Variants in INHBA observed in about 807,000 individuals in gnomAD.
INHBA encodes inhibin beta A chain.
In INHBA, 1 loss-of-function variant was observed where a neutral mutation model predicts 29.0. The observed-to-expected ratio is 0.03, with a 90% CI of 0.01 to 0.16. INHBA has a LOEUF of 0.16. Ranked by LOEUF, INHBA falls within the 10% of genes least tolerant of loss-of-function variation. The pLI, the probability that INHBA is intolerant of heterozygous loss-of-function variation, is 1.00. For missense variants in INHBA, 376 were observed against 545.4 expected (o/e 0.69, Z 3.09); for synonymous variants, 242 against 216.8 (o/e 1.12, Z -1.02).
chr7:41,699,612 A>C (rs2128671210), intron 2 of INHBA, among the ~76,000 whole-genome samples: 1 of 152,022 alleles, frequency 6.6e-6, no homozygotes, highest in East Asian at 2.0e-4. Context: ...CTCCCCTAGC[A>C]CCCGAAAATG....
Position 41,700,484 on chromosome 7 carries a change from GTT to G in INHBA, c.-112_-111del. On this transcript the variant is annotated 5_prime_UTR_variant, in exon 2 of 3. Coordinates refer to ENST00000242208, the MANE Select transcript of INHBA (RefSeq NM_002192.4). ...GGATTTTTTTATTTTTTTTTTTGGT[GTT>G]TTTTTTTTCCTTCTCCTCTTCAGCA... 2 of 943,338 alleles carry G rather than the reference GTT, an allele frequency of 2.1e-6. No homozygotes were observed. The highest frequency in any genetic ancestry group is 2.9e-6 in the Non-Finnish European group (2 of 700,372). The allele number at this position is 943,338 out of a possible 1,614,324, so 58.4% of individuals were successfully genotyped here. A position where few individuals can be genotyped will look rare whatever the true frequency, so the allele number is the denominator to read the frequency against.
chr7:41,693,630 T>C (rs1448274840), intron 2 of INHBA, among the ~76,000 whole-genome samples: 1 of 152,176 alleles, frequency 6.6e-6, no homozygotes, highest in Non-Finnish European at 1.5e-5. Context: ...TGAGAGAGGA[T>C]TGTACAAAGA....
At chr7:41,702,592 A>T (rs946865770) in intron 1 of INHBA, among the ~76,000 whole-genome samples, 1 of 152,232 alleles carries the variant, frequency 6.6e-6, no homozygotes, top group Admixed American at 6.5e-5. Flanking sequence ...AATGTTTTGC[A>T]GTTCAATTAA....
intron 2 of INHBA, chr7:41,693,926 CCTGGTGTCCATTT>C (rs952099522): frequency 2.0e-5 from 3 of 152,304 alleles, no homozygotes; most frequent in Middle Eastern, 6.8e-3. Context: ...GCCTCCTTCT[CCTGGTGTCCATTT>C]CTGGAACTGC....
intron 1 of INHBA, among the ~76,000 whole-genome samples, chr7:41,702,522 T>C (rs1311810247): frequency 1.3e-5 from 2 of 152,190 alleles, no homozygotes; most frequent in Non-Finnish European, 2.9e-5. Context: ...TTATAAAAAA[T>C]CTTTGTGCTA....
intron 2 of INHBA, among the ~76,000 whole-genome samples, chr7:41,698,354 T>C (rs1389229591): frequency 6.6e-6 from 1 of 152,208 alleles, no homozygotes; most frequent in Non-Finnish European, 1.5e-5. Context: ...ATACGAGCTG[T>C]CATTGAATCC....
chr7:41,690,107 C>T lies in INHBA; in HGVS notation c.824G>A (p.Gly275Asp). The T allele has an allele frequency of 1.2e-6, 2 of 1,613,762 alleles. No individual in the cohort carries two copies. The highest frequency in any genetic ancestry group is 1.7e-6 in the Non-Finnish European group (2 of 1,179,982). ...CTCATCTGCTCCTGCCCCACCTTCACCTCCGCCCTTCTTTTTCCCTTCCCC... is the reference window on the plus strand; with the variant it reads ...CTCATCTGCTCCTGCCCCACCTTCATCTCCGCCCTTCTTTTTCCCTTCCCC... ...EEGEGKKKGG[G>D]EGGAGADEEK... Residue 275 changes from glycine to aspartate, a missense_variant, in exon 3 of 3, where the codon GGT becomes GAT. Transcript: ENST00000242208.
In INHBA at chr7:41,688,540, A is replaced by T. The variant is rs941241054; in HGVS notation, c.*1110T>A. 1 of 151,400 alleles carries T rather than the reference A, an allele frequency of 6.6e-6. No homozygotes were observed. The highest frequency in any genetic ancestry group is 2.4e-5 in the African/African-American group (1 of 41,296). The allele number at this position is 151,400 out of a possible 1,614,324, so 9.4% of individuals were successfully genotyped here. Reference sequence around the variant, plus strand: ...ATTTTTTAAGGTACAAAATAATAATAATAATTATAATTATAATAATAAAAA... The same window carrying T: ...ATTTTTTAAGGTACAAAATAATAATTATAATTATAATTATAATAATAAAAA... On this transcript the variant is annotated 3_prime_UTR_variant, in exon 3 of 3. Coordinates refer to ENST00000242208, the MANE Select transcript of INHBA (RefSeq NM_002192.4).
In INHBA at chr7:41,702,516, A is replaced by T. The variant is rs754360376; in HGVS notation, c.-144+489T>A. 1.6e-4 allele frequency among the ~76,000 whole-genome samples: 24 copies of T among 152,200 alleles called. 1 individual carries two copies. The highest frequency in any genetic ancestry group is 7.3e-5 in the Non-Finnish European group (5 of 68,032). Reference sequence around the variant, plus strand: ...GACATTTGTGTTACAATGGTTTTATAAAAAATCTTTGTGCTATAATACTTA... The same window carrying T: ...GACATTTGTGTTACAATGGTTTTATTAAAAATCTTTGTGCTATAATACTTA... On this transcript the variant is annotated intron_variant, in intron 1 of 2. Coordinates refer to ENST00000242208, the MANE Select transcript of INHBA (RefSeq NM_002192.4).
At chr7:41,698,859 C>G (rs1472550908) in intron 2 of INHBA, among the ~76,000 whole-genome samples, 1 of 152,186 alleles carries the variant, frequency 6.6e-6, no homozygotes, top group Non-Finnish European at 1.5e-5. Context: ...AACTTTTAAA[C>G]AAAAATGCTG....
At chr7:41,697,399 C>T (rs768162205) in intron 2 of INHBA, among the ~76,000 whole-genome samples, 2 of 152,194 alleles carry the variant, frequency 1.3e-5, no homozygotes, top group African/African-American at 4.8e-5. Flanking sequence ...CACTTTCTAC[C>T]TAAACAGGAT....
chr7:41,701,179 A>G (rs186838974), intron 1 of INHBA, among the ~76,000 whole-genome samples: 1 of 152,020 alleles, frequency 6.6e-6, no homozygotes, highest in Non-Finnish European at 1.5e-5. Flanking sequence ...CAGTGTCTCA[A>G]TCAATAGGGA....
chr7:41,689,600 C>G lies in INHBA; in HGVS notation c.*50G>C. 4 of 1,331,374 alleles carry G rather than the reference C, an allele frequency of 3.0e-6. No individual in the cohort carries two copies. Among genetic ancestry groups the G allele is most frequent in the Non-Finnish European group, 3.9e-6 (4 of 1,032,796 alleles). The allele number at this position is 1,331,374 out of a possible 1,614,324, so 82.5% of individuals were successfully genotyped here. A position where few individuals can be genotyped will look rare whatever the true frequency, so the allele number is the denominator to read the frequency against. Reference sequence around the variant, plus strand: ...CCTTAAAAATTTCTTCATTTTGCCACTGTCTTCTCTGGACAACTCTTGCTC... The same window carrying G: ...CCTTAAAAATTTCTTCATTTTGCCAGTGTCTTCTCTGGACAACTCTTGCTC... On this transcript the variant is annotated 3_prime_UTR_variant, in exon 3 of 3. Coordinates refer to ENST00000242208, the MANE Select transcript of INHBA (RefSeq NM_002192.4).
intron 2 of INHBA, 22 bp downstream of exon 2, chr7:41,699,965 C>A: frequency 1.8e-6 from 1 of 553,246 alleles, no homozygotes; most frequent in South Asian, 2.8e-5. Flanking sequence ...CCTCCCCACC[C>A]CCTGCCAATG....
chr7:41,689,501 TAATTTAC>T lies in INHBA; in HGVS notation c.*142_*148del. The T allele has an allele frequency of 1.3e-6, 1 of 752,368 alleles. No individual in the cohort carries two copies. Among genetic ancestry groups the T allele is most frequent in the South Asian group, 2.8e-5 (1 of 35,668 alleles). The allele number at this position is 752,368 out of a possible 1,614,324, so 46.6% of individuals were successfully genotyped here. A position where few individuals can be genotyped will look rare whatever the true frequency, so the allele number is the denominator to read the frequency against. On this transcript the variant is annotated 3_prime_UTR_variant, in exon 3 of 3. Transcript: ENST00000242208. ...CATCTGTTTCATCAGGTTTTGTTTT[TAATTTAC>T]TTTTGTTTTTTTTTGTTTTTTTTTT...
chr7:41,693,418 G>C (rs1794565119), intron 2 of INHBA, among the ~76,000 whole-genome samples: 1 of 152,322 alleles, frequency 6.6e-6, no homozygotes, highest in South Asian at 2.1e-4. Context: ...GGTGCCGAGG[G>C]AGGGTTACTT....
intron 2 of INHBA, among the ~76,000 whole-genome samples, chr7:41,699,783 G>A (rs1335217520): frequency 1.3e-5 from 2 of 152,070 alleles, no homozygotes; most frequent in East Asian, 3.9e-4. Flanking sequence ...GAGCTCGACC[G>A]AGAATTCCTT....
At chr7:41,692,040 A>G (rs1419049959) in intron 2 of INHBA, 1 of 152,222 alleles carries the variant, frequency 6.6e-6, no homozygotes, top group African/African-American at 2.4e-5. Context: ...AAAATTAGAA[A>G]GTCACCTATT....
At chr7:41,697,131 AC>A (rs1794666814) in intron 2 of INHBA, among the ~76,000 whole-genome samples, 1 of 152,156 alleles carries the variant, frequency 6.6e-6, no homozygotes, top group Non-Finnish European at 1.5e-5. Context: ...TAGCTTCATG[AC>A]ATTTATAGTG....
Sources: gnomAD v4.1 joint callset for allele counts (sites outside exome capture counted in the v4.1 genomes callset) on GRCh38, gnomAD v4.1.1 for gene constraint, MANE v1.5 for transcripts, NCBI Gene and HGNC (gene_info 2026-07-23, HGNC 2026-07-21) for gene names.